The following PAPSS1 variants were observed in gnomAD, a reference collection of about 807,000 sequenced individuals.
The protein encoded by PAPSS1 is bifunctional 3'-phosphoadenosine 5'-phosphosulfate synthase 1.
PAPSS1 carries 50 observed loss-of-function variants against 72.0 expected under a neutral mutation model. The observed-to-expected ratio is 0.69, with a 90% CI of 0.55 to 0.88. The LOEUF (loss-of-function observed/expected upper bound fraction) is 0.88. Ranked by LOEUF, PAPSS1 falls within the 40% of genes least tolerant of loss-of-function variation. PAPSS1 has a pLI of 0.00. For synonymous variants in PAPSS1, 261 were observed against 263.6 expected (o/e 0.99, Z 0.09); for missense variants, 657 against 782.2 (o/e 0.84, Z 1.91).
chr4:107,695,927 C>G (rs1407960739), intron 2 of PAPSS1, among the ~76,000 whole-genome samples: 2 of 152,122 alleles, frequency 1.3e-5, no homozygotes, highest in South Asian at 2.1e-4. Context: ...TGAACAGACA[C>G]TTCTCAAAAG....
chr4:107,637,105 C>T (rs991210089), intron 10 of PAPSS1, among the ~76,000 whole-genome samples: 9 of 152,184 alleles, frequency 5.9e-5, no homozygotes, highest in Non-Finnish European at 1.0e-4. Flanking sequence ...ACTAATAAGT[C>T]AATGATCGCT....
intron 5 of PAPSS1, among the ~76,000 whole-genome samples, chr4:107,661,591 ACTATAT>A (rs1727183072): frequency 6.6e-6 from 1 of 152,196 alleles, no homozygotes; most frequent in African/African-American, 2.4e-5. Flanking sequence ...AAGGGTACAG[ACTATAT>A]GATTCCAACT....
chr4:107,670,345 A>G (rs62311640), intron 5 of PAPSS1, among the ~76,000 whole-genome samples: 29,432 of 151,916 alleles, frequency 0.19, 3,096 homozygotes, highest in East Asian at 0.36. Flanking sequence ...TTAGGTACAA[A>G]TAAATTAGGA....
chr4:107,655,096 C>T (rs1726964928), intron 7 of PAPSS1, among the ~76,000 whole-genome samples, 196 bp from the exon 8 acceptor site: 1 of 144,190 alleles, frequency 6.9e-6, no homozygotes, highest in South Asian at 2.2e-4. Flanking sequence ...GAGCAACGAT[C>T]TCCCAAGTTA....
At chr4:107,622,773 CAAT>C (rs1192186281) in intron 11 of PAPSS1, among the ~76,000 whole-genome samples, 1 of 152,208 alleles carries the variant, frequency 6.6e-6, no homozygotes, top group Admixed American at 6.5e-5. Context: ...AAATTGTACA[CAAT>C]AATGATGGTG....
chr4:107,680,338 T>A (rs1321264059), intron 5 of PAPSS1, among the ~76,000 whole-genome samples: 1 of 150,516 alleles, frequency 6.6e-6, no homozygotes, highest in African/African-American at 2.4e-5. Flanking sequence ...AAAAATCACA[T>A]AGAGGAACAA....
At chr4:107,681,810 G>A (rs1204352167) in intron 5 of PAPSS1, among the ~76,000 whole-genome samples, 4 of 152,084 alleles carry the variant, frequency 2.6e-5, no homozygotes, top group East Asian at 3.9e-4. Flanking sequence ...TTATACTGAC[G>A]GGGATATTTC....
intron 2 of PAPSS1, among the ~76,000 whole-genome samples, chr4:107,696,415 C>G (rs772261401): frequency 6.6e-6 from 1 of 152,164 alleles, no homozygotes; most frequent in Non-Finnish European, 1.5e-5. Flanking sequence ...GAGATCATGT[C>G]GTCTGCAGGG....
At chr4:107,692,520 C>T (rs1000745235) in intron 3 of PAPSS1, among the ~76,000 whole-genome samples, 38 of 152,080 alleles carry the variant, frequency 2.5e-4, no homozygotes, top group Non-Finnish European at 4.4e-5. Context: ...AAAAGAAATG[C>T]TTTTACATTG....
At chr4:107,653,460 C>A in intron 9 of PAPSS1, 31 bp downstream of exon 9, 1 of 1,589,432 alleles carries the variant, frequency 6.3e-7, no homozygotes, top group East Asian at 2.3e-5. Flanking sequence ...TCCAAGCCGG[C>A]CTATATTAGG....
chr4:107,630,890 T>A (rs921200048), intron 11 of PAPSS1, among the ~76,000 whole-genome samples: 1 of 152,106 alleles, frequency 6.6e-6, no homozygotes, highest in East Asian at 1.9e-4. Flanking sequence ...AGCACCCCAA[T>A]CCACAATCCA....
At chr4:107,637,990 A>C (rs1398607191) in intron 10 of PAPSS1, among the ~76,000 whole-genome samples, 3 of 152,140 alleles carry the variant, frequency 2.0e-5, no homozygotes, top group African/African-American at 7.2e-5. Context: ...GATTTTCCAG[A>C]GATAGGAATT....
chr4:107,695,100 G>A (rs1046463896), intron 2 of PAPSS1, among the ~76,000 whole-genome samples: 1 of 152,250 alleles, frequency 6.6e-6, no homozygotes, highest in Non-Finnish European at 1.5e-5. Context: ...CCATTTTCAC[G>A]ATACTGATTC....
chr4:107,655,416 GT>G (rs1468194435), intron 7 of PAPSS1, among the ~76,000 whole-genome samples: 7 of 152,100 alleles, frequency 4.6e-5, no homozygotes, highest in Admixed American at 4.6e-4. Flanking sequence ...TATCCAAAAA[GT>G]TTTTTTAAAT....
intron 5 of PAPSS1, among the ~76,000 whole-genome samples, chr4:107,671,200 G>A (rs984709060): frequency 1.3e-5 from 2 of 150,468 alleles, no homozygotes; most frequent in African/African-American, 4.9e-5. Context: ...CTGAATCCTG[G>A]AACAGGAAAA....
rs767749784 is a variant in PAPSS1 at position 107,631,744 on chromosome 4, A to G, written c.1623T>C (p.His541=). 6.2e-7 allele frequency: 1 copy of G among 1,614,148 alleles called. No homozygotes were observed. Among genetic ancestry groups the G allele is most frequent in the Non-Finnish European group, 8.5e-7 (1 of 1,180,000 alleles). Reference sequence around the variant, plus strand: ...GGGCCATCGTCAGCACTTTGGCACCATGACTTGGCTCATAAAGATCCTTCC... The same window carrying G: ...GGGCCATCGTCAGCACTTTGGCACCGTGACTTGGCTCATAAAGATCCTTCC... ...ETGKDLYEPS[H]GAKVLTMAPG... Residue 541 remains histidine (H), a synonymous_variant, in exon 11 of 12, where the codon CAT becomes CAC. Coordinates refer to ENST00000265174, the MANE Select transcript of PAPSS1 (RefSeq NM_005443.5).
At chr4:107,670,627 C>G (rs1727443192) in intron 5 of PAPSS1, among the ~76,000 whole-genome samples, 1 of 152,186 alleles carries the variant, frequency 6.6e-6, no homozygotes, top group Non-Finnish European at 1.5e-5. Context: ...CAGCCTCAAA[C>G]TCCTGGGCTC....
chr4:107,660,776 T>TAA (rs1180398792), intron 5 of PAPSS1, among the ~76,000 whole-genome samples: 4 of 152,170 alleles, frequency 2.6e-5, no homozygotes, highest in Non-Finnish European at 4.4e-5. Context: ...ACTAAATGTG[T>TAA]TTAATCACTT....
chr4:107,708,820 A>G (rs1374152922), intron 1 of PAPSS1, among the ~76,000 whole-genome samples: 1 of 152,242 alleles, frequency 6.6e-6, no homozygotes, highest in Non-Finnish European at 1.5e-5. Flanking sequence ...CCTCTTTTAC[A>G]TATTTTAAGT....
Sources: gnomAD v4.1 joint callset for allele counts (sites outside exome capture counted in the v4.1 genomes callset) on GRCh38, gnomAD v4.1.1 for gene constraint, MANE v1.5 for transcripts, NCBI Gene and HGNC (gene_info 2026-07-23, HGNC 2026-07-21) for gene names.